The following ZNF423 variants were observed in gnomAD, a reference collection of about 807,000 sequenced individuals.
The protein encoded by ZNF423 is zinc finger protein 423.
In ZNF423, 12 loss-of-function variants were observed where a neutral mutation model predicts 95.8. The observed-to-expected ratio is 0.13, with a 90% confidence interval of 0.08 to 0.20. ZNF423 has a LOEUF of 0.20. Among genes scored for constraint, ZNF423 ranks in the 10% least tolerant of loss-of-function variants. The pLI, the probability that ZNF423 is intolerant of heterozygous loss-of-function variation, is 1.00. For missense variants in ZNF423, 1,316 were observed against 1,737.1 expected, an observed-to-expected ratio of 0.76 and a Z score of 4.31; for synonymous variants, 749 against 711.9, an observed-to-expected ratio of 1.05 and a Z score of -0.83.
intron 1 of ZNF423, among the ~76,000 whole-genome samples, chr16:49,832,933 C>T (rs1333974096): frequency 2.0e-5 from 3 of 152,236 alleles, no homozygotes; most frequent in Non-Finnish European, 2.9e-5. Flanking sequence ...TCCAATCTCT[C>T]AATGTTGATT....
chr16:49,578,646 C>T (rs1412600005), intron 5 of ZNF423, among the ~76,000 whole-genome samples: 3 of 152,230 alleles, frequency 2.0e-5, no homozygotes, highest in Non-Finnish European at 2.9e-5. Flanking sequence ...CTTGTGGCTC[C>T]ACACGGCTGC....
intron 3 of ZNF423, among the ~76,000 whole-genome samples, chr16:49,678,986 C>A (rs1056428432): frequency 2.6e-5 from 4 of 152,212 alleles, no homozygotes; most frequent in African/African-American, 9.6e-5. Flanking sequence ...CCTCAGTCAA[C>A]CCAGTGGTAC....
chr16:49,554,579 C>T (rs1474441572), intron 5 of ZNF423, among the ~76,000 whole-genome samples: 1 of 151,962 alleles, frequency 6.6e-6, no homozygotes, highest in African/African-American at 2.4e-5. Flanking sequence ...CAATGTTCTC[C>T]ATTTGTTTTC....
At chr16:49,519,707 A>G (rs759111774) in intron 7 of ZNF423, among the ~76,000 whole-genome samples, 1 of 152,232 alleles carries the variant, frequency 6.6e-6, no homozygotes, top group African/African-American at 2.4e-5. Flanking sequence ...GTCTTTCAAA[A>G]GCAAACTTCT....
At chr16:49,514,025 C>T (rs1382689844) in intron 7 of ZNF423, among the ~76,000 whole-genome samples, 1 of 151,844 alleles carries the variant, frequency 6.6e-6, no homozygotes, top group African/African-American at 2.4e-5. Flanking sequence ...CCTCTAGTCC[C>T]TCTGCCTTTT....
At chr16:49,679,762 G>A (rs537758879) in intron 3 of ZNF423, among the ~76,000 whole-genome samples, 36 of 152,374 alleles carry the variant, frequency 2.4e-4, no homozygotes, top group African/African-American at 7.9e-4. Flanking sequence ...GAAGCCCCAC[G>A]TTCTAGCCAG....
At chr16:49,654,861 C>T (rs868706290) in intron 3 of ZNF423, among the ~76,000 whole-genome samples, 1 of 152,216 alleles carries the variant, frequency 6.6e-6, no homozygotes, top group Admixed American at 6.5e-5. Flanking sequence ...TTCCAGAACA[C>T]AGCAGCTCAT....
chr16:49,658,833 G>A (rs79086526), intron 3 of ZNF423, among the ~76,000 whole-genome samples: 4,124 of 152,222 alleles, frequency 0.027, 94 homozygotes, highest in Non-Finnish European at 0.046. Context: ...TCCCAGCATC[G>A]CTGACTCTTT....
At chr16:49,639,728 C>A (rs927143173) in intron 3 of ZNF423, among the ~76,000 whole-genome samples, 1 of 152,190 alleles carries the variant, frequency 6.6e-6, no homozygotes, top group Non-Finnish European at 1.5e-5. Context: ...ACCCTTAACC[C>A]CACTGCAAAG....
chr16:49,845,019 G>A (rs2035228052), intron 1 of ZNF423, among the ~76,000 whole-genome samples: 1 of 99,976 alleles, frequency 1.0e-5, no homozygotes, highest in Non-Finnish European at 1.8e-5. Flanking sequence ...TGGGCATCAA[G>A]AGCGAAACTC....
At chr16:49,613,507 CAT>C (rs1971787767) in intron 5 of ZNF423, among the ~76,000 whole-genome samples, 1 of 152,170 alleles carries the variant, frequency 6.6e-6, no homozygotes, top group Non-Finnish European at 1.5e-5. Context: ...AGATGGGCAA[CAT>C]AGTGAGATCC....
In ZNF423 at chr16:49,638,896, A is replaced by T; in HGVS notation, c.302-22T>A. 6.3e-7 allele frequency: 1 copy of T among 1,579,070 alleles called. No individual in the cohort carries two copies. Among genetic ancestry groups the T allele is most frequent in the Admixed American group, 1.7e-5 (1 of 57,448 alleles). On this transcript the variant is annotated intron_variant, in intron 3 of 7. Coordinates refer to ENST00000563137, the MANE Select transcript of ZNF423 (RefSeq NM_001379286.1). This position sits in a 1 kb window ranked among gnomAD's most constrained non-coding sequence, Gnocchi z 5.6. ...CCATCTGCAAGAGAAGGCAGAGAGG[A>T]TATTAGAGGCAATTCCCAGGGCTGC...
intron 1 of ZNF423, among the ~76,000 whole-genome samples, chr16:49,829,490 G>A (rs1011581952): frequency 2.0e-5 from 3 of 152,118 alleles, no homozygotes; most frequent in Non-Finnish European, 4.4e-5. Context: ...AACTGTCCTG[G>A]AGCAAAGTGA....
chr16:49,842,880 G>A (rs2035205157), intron 1 of ZNF423, among the ~76,000 whole-genome samples: 1 of 151,400 alleles, frequency 6.6e-6, no homozygotes, highest in South Asian at 2.1e-4. Flanking sequence ...TCGGGAGGCT[G>A]AGGCAGGAGA....
intron 5 of ZNF423, among the ~76,000 whole-genome samples, chr16:49,545,894 G>C (rs939383042): frequency 2.0e-5 from 3 of 152,190 alleles, no homozygotes; most frequent in African/African-American, 7.2e-5. Flanking sequence ...TCATGATCTT[G>C]TCCTCACTTT....
At chr16:49,643,596 T>G (rs961947280) in intron 3 of ZNF423, among the ~76,000 whole-genome samples, 2 of 125,562 alleles carry the variant, frequency 1.6e-5, no homozygotes, top group Non-Finnish European at 3.1e-5. Context: ...GAAAATCAAG[T>G]GGGAAGTACA....
At chr16:49,831,963 G>A (rs192218426) in intron 1 of ZNF423, among the ~76,000 whole-genome samples, 1 of 149,508 alleles carries the variant, frequency 6.7e-6, no homozygotes, top group Admixed American at 6.7e-5. Context: ...CAGCCTGGGT[G>A]ACAGAACAAG....
At chr16:49,577,786 T>G (rs1486204482) in intron 5 of ZNF423, among the ~76,000 whole-genome samples, 1 of 152,212 alleles carries the variant, frequency 6.6e-6, no homozygotes, top group African/African-American at 2.4e-5. Context: ...TAGAAGCAGC[T>G]TCTGTCCTCC....
Position 49,793,311 on chromosome 16 carries a change from G to A in ZNF423, c.41-3765C>T, listed in dbSNP as rs1462788190. On this transcript the variant is annotated intron_variant, in intron 1 of 7. Coordinates refer to ENST00000563137, the MANE Select transcript of ZNF423 (RefSeq NM_001379286.1). Reference sequence around the variant, plus strand: ...CACACTGGCAGCAGGCACTCTCTGGGGGCCCAAGCAGCGAGCCCCCAACAT... The same window carrying A: ...CACACTGGCAGCAGGCACTCTCTGGAGGCCCAAGCAGCGAGCCCCCAACAT... 2.6e-5 allele frequency among the ~76,000 whole-genome samples: 4 copies of A among 152,262 alleles called. No homozygotes were observed. The East Asian group carries it at 7.7e-4, about 29-fold the overall frequency.
Sources: gnomAD v4.1 joint callset for allele counts (sites outside exome capture counted in the v4.1 genomes callset) on GRCh38, gnomAD v4.1.1 for gene constraint, Gnocchi (gnomAD v3.1) non-coding constraint, MANE v1.5 for transcripts, NCBI Gene and HGNC (gene_info 2026-07-23, HGNC 2026-07-21) for gene names.